The following MALRD1 variants were observed in gnomAD, a reference collection of about 807,000 sequenced individuals.
The protein encoded by MALRD1 is MAM and LDL-receptor class A domain-containing protein 1.
In MALRD1, 247 loss-of-function variants were observed where a neutral mutation model predicts 242.1. That is an observed-to-expected ratio of 1.02 (90% CI 0.92 to 1.13). The LOEUF is 1.13. Among genes scored for constraint, MALRD1 ranks in the 50% most tolerant of loss-of-function variants. The probability of loss-of-function intolerance (pLI) is 0.00; values close to 1 mark genes in which losing one functional copy is unlikely to be tolerated. For synonymous variants in MALRD1, 995 were observed against 866.6 expected (o/e 1.15, Z -2.60); for missense variants, 2,989 against 2,533.1 (o/e 1.18, Z -3.86).
intron 32 of MALRD1, among the ~76,000 whole-genome samples, chr10:19,549,513 A>T (rs1236574699): frequency 6.6e-6 from 1 of 152,202 alleles, no homozygotes; most frequent in Non-Finnish European, 1.5e-5. Context: ...CACCAGCAAG[A>T]TTATGACTTG....
At chr10:19,278,112 A>G (rs145042917) in intron 19 of MALRD1, among the ~76,000 whole-genome samples, 50 of 152,264 alleles carry the variant, frequency 3.3e-4, no homozygotes, top group African/African-American at 1.1e-3. Flanking sequence ...TCTGCTCTCC[A>G]GTTCCATATC....
At chr10:19,404,664 A>G (rs1032781954) in intron 28 of MALRD1, among the ~76,000 whole-genome samples, 3 of 152,072 alleles carry the variant, frequency 2.0e-5, no homozygotes, top group Admixed American at 1.3e-4. Context: ...GTTTTCCTAG[A>G]CCTCTGGGGA....
chr10:19,506,485 C>T (rs942447683), intron 31 of MALRD1, among the ~76,000 whole-genome samples: 4 of 152,018 alleles, frequency 2.6e-5, no homozygotes, highest in African/African-American at 9.7e-5. Context: ...CTGTAGGAGG[C>T]ATTGATTTGG....
intron 3 of MALRD1, 28 bp downstream of exon 3, chr10:19,087,962 T>A (rs367613411): frequency 8.1e-6 from 10 of 1,232,472 alleles, no homozygotes; most frequent in Non-Finnish European, 2.0e-6. Flanking sequence ...GCATTTTAAA[T>A]ATTTTGTCAC....
chr10:19,107,355 A>G (rs1426121792), intron 5 of MALRD1, among the ~76,000 whole-genome samples: 2 of 151,898 alleles, frequency 1.3e-5, no homozygotes, highest in African/African-American at 4.8e-5. Flanking sequence ...CTTTTTCTAA[A>G]TGGATCCCTT....
chr10:19,306,133 T>G (rs1286791688), intron 21 of MALRD1, among the ~76,000 whole-genome samples: 1 of 108,204 alleles, frequency 9.2e-6, no homozygotes, highest in African/African-American at 3.4e-5. Context: ...GTATATATAG[T>G]ATAGTATATA....
rs117896865 is a variant in MALRD1, at chr10:19,239,578, A to T, written c.2992-18106A>T. ...ATTTAAAAAATTCTTTTACAACCCA[A>T]AGTTATAGAGAATTTCCCACATGTT... On this transcript the variant is annotated intron_variant, in intron 18 of 39. Transcript: ENST00000454679. 9.6e-3 allele frequency among the ~76,000 whole-genome samples: 1,455 copies of T among 152,128 alleles called. 11 individuals are homozygous for T. Among genetic ancestry groups the T allele is most frequent in the Admixed American group, 0.019 (293 of 15,270 alleles).
intron 36 of MALRD1, among the ~76,000 whole-genome samples, chr10:19,640,744 T>C (rs534979492): frequency 3.3e-5 from 5 of 152,320 alleles, no homozygotes; most frequent in South Asian, 4.1e-4. Context: ...TTTGAACTTA[T>C]CTAGTTTCCT....
intron 33 of MALRD1, among the ~76,000 whole-genome samples, chr10:19,573,589 T>TA (rs140252718): frequency 0.027 from 4,136 of 152,054 alleles, 170 homozygotes; most frequent in African/African-American, 0.093. Context: ...CCTTTCCCCC[T>TA]AAAAAAGAAA....
intron 28 of MALRD1, among the ~76,000 whole-genome samples, chr10:19,440,647 T>C (rs1471496292): frequency 1.3e-5 from 2 of 152,168 alleles, no homozygotes; most frequent in African/African-American, 4.8e-5. Context: ...TCCAGCTTCA[T>C]CCATGTCCCT....
chr10:19,637,127 T>C (rs1047502479), intron 36 of MALRD1, among the ~76,000 whole-genome samples: 3 of 152,168 alleles, frequency 2.0e-5, no homozygotes, highest in East Asian at 3.8e-4. Flanking sequence ...AGTTTACTTT[T>C]TCCTTCACCT....
intron 1 of MALRD1, chr10:19,051,535 A>C (rs1366148102): frequency 5.3e-6 from 1 of 189,226 alleles, no homozygotes; most frequent in Non-Finnish European, 1.2e-5. Flanking sequence ...AGAAAGGAGT[A>C]GATGGCACGG....
chr10:19,128,241 G>A lies in MALRD1; in HGVS notation c.964G>A (p.Ala322Thr), dbSNP rs369138368. The stretch of plus-strand genomic sequence containing the variant: ...TTCAGGTTATTATGTATGGGTAGGC[G>A]CTAAGCATGGTTTCACTCTTAACCA... ...DDEGYYVWVG[A>T]KHGFTLNHLD... The change falls in exon 8 of 40, where the codon GCT (alanine) becomes ACT (threonine). Residue 322 changes from alanine to threonine, a missense_variant. Coordinates refer to ENST00000454679, the MANE Select transcript of MALRD1 (RefSeq NM_001142308.3). 1.2e-5 allele frequency: 15 copies of A among 1,233,422 alleles called. No homozygotes were observed. The highest frequency in any genetic ancestry group is 2.1e-4 in the Middle Eastern group (1 of 4,834). 76.4% of individuals were successfully genotyped at this position (1,233,422 alleles called of 1,614,324 possible).
chr10:19,634,969 G>T (rs1840065796), intron 36 of MALRD1, among the ~76,000 whole-genome samples: 1 of 152,124 alleles, frequency 6.6e-6, no homozygotes, highest in African/African-American at 2.4e-5. Context: ...TTAGAATGAA[G>T]AAATGGTAAA....
chr10:19,593,870 GA>G (rs1261348843), intron 33 of MALRD1, among the ~76,000 whole-genome samples: 1 of 152,198 alleles, frequency 6.6e-6, no homozygotes, highest in African/African-American at 2.4e-5. Flanking sequence ...GGTTGGGTTT[GA>G]AGCAGGTTAT....
chr10:19,707,132 T>C (rs914168641), intron 38 of MALRD1, among the ~76,000 whole-genome samples: 2 of 151,004 alleles, frequency 1.3e-5, no homozygotes, highest in Admixed American at 1.3e-4. Context: ...CCTTTCTTCT[T>C]CTTCCTTCTC....
At chr10:19,543,063 T>G (rs1835046016) in intron 32 of MALRD1, among the ~76,000 whole-genome samples, 2 of 152,166 alleles carry the variant, frequency 1.3e-5, no homozygotes, top group Admixed American at 1.3e-4. Context: ...GGAACTTTTA[T>G]CTGAGCCCTG....
intron 31 of MALRD1, among the ~76,000 whole-genome samples, chr10:19,504,881 A>G (rs1251603727): frequency 6.7e-6 from 1 of 150,204 alleles, no homozygotes; most frequent in East Asian, 2.0e-4. Flanking sequence ...ACGGGGTTTC[A>G]CCTTGTTAGC....
At chr10:19,734,097 A>G in intron 39 of MALRD1, 60 bp from the exon 40 acceptor site, 1 of 1,325,022 alleles carries the variant, frequency 7.5e-7, no homozygotes, top group Non-Finnish European at 1.0e-6. Flanking sequence ...TGATCTTTAA[A>G]GAGTTTTCTT....
Sources: gnomAD v4.1 joint callset for allele counts (sites outside exome capture counted in the v4.1 genomes callset) on GRCh38, gnomAD v4.1.1 for gene constraint, MANE v1.5 for transcripts, NCBI Gene and HGNC (gene_info 2026-07-23, HGNC 2026-07-21) for gene names.